The following PRKG2 variants were observed in gnomAD, a reference collection of about 807,000 sequenced individuals.
PRKG2 encodes the protein cGMP-dependent protein kinase 2.
In PRKG2, 33 loss-of-function variants were observed where a neutral mutation model predicts 97.2. That is an observed-to-expected ratio of 0.34 (90% CI 0.26 to 0.45). PRKG2 has a LOEUF of 0.45. PRKG2 is among the 20% of genes least tolerant of loss of function. The probability of loss-of-function intolerance (pLI) is 1.00; values close to 1 mark genes in which losing one functional copy is unlikely to be tolerated. For missense variants in PRKG2, 638 were observed against 900.0 expected, an observed-to-expected ratio of 0.71 and a Z score of 3.73; for synonymous variants, 330 against 321.8, an observed-to-expected ratio of 1.03 and a Z score of -0.27.
rs1278434031 is a variant in PRKG2 at position 81,088,233 on chromosome 4, T to C, written c.*1475A>G. On this transcript the variant is annotated 3_prime_UTR_variant, in exon 19 of 19. Coordinates refer to ENST00000264399, the MANE Select transcript of PRKG2 (RefSeq NM_006259.3). ...GCACCTTTCTGGATTGGGCTTCACT[T>C]ATCTAGCTTAACTCATTAAGGAAGC... 3 of 152,154 alleles carry C rather than the reference T, an allele frequency of 2.0e-5. No individual in the cohort carries two copies. Among genetic ancestry groups the C allele is most frequent in the East Asian group, 1.9e-4 (1 of 5,198 alleles). The allele number at this position is 152,154 out of a possible 1,614,324, so 9.4% of individuals were successfully genotyped here.
At chr4:81,203,862 C>T (rs1347019601) in intron 2 of PRKG2, among the ~76,000 whole-genome samples, 3 of 152,174 alleles carry the variant, frequency 2.0e-5, no homozygotes, top group African/African-American at 7.2e-5. Flanking sequence ...CTGGTTCATG[C>T]TCCTTGAAGT....
intron 2 of PRKG2, among the ~76,000 whole-genome samples, chr4:81,176,619 C>A (rs1454675686): frequency 1.3e-5 from 2 of 152,108 alleles, no homozygotes; most frequent in African/African-American, 2.4e-5. Context: ...TACTAATTTT[C>A]CAAAGTATGT....
At chr4:81,106,861 T>G (rs1002432253) in intron 15 of PRKG2, among the ~76,000 whole-genome samples, 1 of 152,142 alleles carries the variant, frequency 6.6e-6, no homozygotes. Flanking sequence ...CATGTGAGGA[T>G]ACAAGGAGAA....
chr4:81,142,652 A>G, intron 11 of PRKG2, 142 bp downstream of exon 11: 1 of 1,089,912 alleles, frequency 9.2e-7, no homozygotes, highest in South Asian at 2.2e-5. Flanking sequence ...ACAGAGTGAA[A>G]AGTTTACTTT....
intron 14 of PRKG2, among the ~76,000 whole-genome samples, chr4:81,127,353 C>G (rs1258014609): frequency 1.3e-5 from 2 of 152,118 alleles, no homozygotes; most frequent in East Asian, 3.9e-4. Context: ...TATACAGGCT[C>G]TTTTTTGGTT....
intron 17 of PRKG2, among the ~76,000 whole-genome samples, chr4:81,097,771 C>T (rs115319571): frequency 4.0e-4 from 61 of 152,230 alleles, no homozygotes; most frequent in African/African-American, 1.3e-3. Context: ...ACTTCATGAA[C>T]CAATTTCTGA....
At chr4:81,097,905 T>A (rs577548312) in intron 17 of PRKG2, among the ~76,000 whole-genome samples, 4 of 152,204 alleles carry the variant, frequency 2.6e-5, no homozygotes, top group Non-Finnish European at 5.9e-5. Context: ...GTTTGATCTC[T>A]GTAAAGACTA....
intron 2 of PRKG2, chr4:81,176,075 C>G (rs539010619): frequency 1.3e-5 from 2 of 152,092 alleles, no homozygotes; most frequent in Non-Finnish European, 2.9e-5. Flanking sequence ...TTTCATGACT[C>G]TATCCATCAT....
chr4:81,198,728 T>C (rs1193274108), intron 2 of PRKG2, among the ~76,000 whole-genome samples: 2 of 152,226 alleles, frequency 1.3e-5, no homozygotes, highest in African/African-American at 4.8e-5. Flanking sequence ...AAAAAACTGA[T>C]GCCTCATTAG....
At chr4:81,094,040 T>G (rs1293718110) in intron 17 of PRKG2, among the ~76,000 whole-genome samples, 4 of 152,300 alleles carry the variant, frequency 2.6e-5, no homozygotes, top group Non-Finnish European at 4.4e-5. Context: ...ACCTTCAATT[T>G]GTAAAAGATA....
In PRKG2 at chr4:81,088,330, C is replaced by T. The variant is rs1741266574; in HGVS notation, c.*1378G>A. ...GGTAGAGGTTCCTTTTGACATAGAACATTAACATATGAAAATATAACCAGA... is the reference window on the plus strand; with the variant it reads ...GGTAGAGGTTCCTTTTGACATAGAATATTAACATATGAAAATATAACCAGA... On this transcript the variant is annotated 3_prime_UTR_variant, in exon 19 of 19. Transcript: ENST00000264399. 1 of 152,064 alleles carries T rather than the reference C, an allele frequency of 6.6e-6. No homozygotes were observed. Among genetic ancestry groups the T allele is most frequent in the Admixed American group, 6.6e-5 (1 of 15,264 alleles). 9.4% of individuals were successfully genotyped at this position (152,064 alleles called of 1,614,324 possible).
At chr4:81,137,732 G>A (rs1241269638) in intron 12 of PRKG2, among the ~76,000 whole-genome samples, 11 of 152,142 alleles carry the variant, frequency 7.2e-5, no homozygotes, top group Middle Eastern at 3.4e-3. Flanking sequence ...CAGTTTTACC[G>A]TAAAAATGTT....
chr4:81,212,622 A>G (rs571128489), intron 1 of PRKG2, among the ~76,000 whole-genome samples: 1 of 152,316 alleles, frequency 6.6e-6, no homozygotes, highest in Admixed American at 6.5e-5. Context: ...CTTTAAGTAG[A>G]GAAGTTTAGT....
Position 81,205,006 on chromosome 4 carries a change from T to C in PRKG2, c.42A>G (p.Pro14=), listed in dbSNP as rs150760215. Residue 14 remains proline, a synonymous_variant, in exon 2 of 19, where the codon CCA becomes CCG. Transcript: ENST00000264399. ...TGGTGAGGTTCCCAGAGTGTCCATC[T>C]GGGTGCTTAGAATGTTTAGGTTTCA... ...GSVKPKHSKH[P]DGHSGNLTTD... The C allele has an allele frequency of 2.2e-5, 35 of 1,613,430 alleles. No individual in the cohort carries two copies. The African/African-American group carries it at 4.7e-4, about 22-fold the overall frequency.
intron 14 of PRKG2, among the ~76,000 whole-genome samples, chr4:81,113,800 C>G (rs1400912711): frequency 1.3e-5 from 2 of 152,148 alleles, no homozygotes; most frequent in African/African-American, 4.8e-5. Flanking sequence ...TTACCCAAGT[C>G]TAGACAAGGG....
At chr4:81,143,002 A>G (rs775014506) in intron 10 of PRKG2, 55 bp from the exon 11 acceptor site, 5 of 1,503,284 alleles carry the variant, frequency 3.3e-6, no homozygotes, top group Non-Finnish European at 4.5e-6. Context: ...AGAAGGTGTC[A>G]TGCCATACAT....
chr4:81,183,842 G>A (rs1304736257), intron 2 of PRKG2, among the ~76,000 whole-genome samples: 2 of 152,100 alleles, frequency 1.3e-5, no homozygotes, highest in South Asian at 2.1e-4. Context: ...GCTTCAGTAG[G>A]CGGTTTTCCC....
At chr4:81,169,789 C>A (rs1382042776) in intron 4 of PRKG2, 21 bp from the exon 5 acceptor site, 9 of 1,450,718 alleles carry the variant, frequency 6.2e-6, no homozygotes, top group Non-Finnish European at 8.6e-6. Context: ...TTCAAGAAAA[C>A]AATAAAACAC....
At chr4:81,108,771 C>T (rs1743620169) in intron 15 of PRKG2, among the ~76,000 whole-genome samples, 1 of 152,084 alleles carries the variant, frequency 6.6e-6, no homozygotes, top group African/African-American at 2.4e-5. Flanking sequence ...GTGGCATGTG[C>T]CTGTAGTCCC....
Sources: gnomAD v4.1 joint callset for allele counts (sites outside exome capture counted in the v4.1 genomes callset) on GRCh38, gnomAD v4.1.1 for gene constraint, MANE v1.5 for transcripts, NCBI Gene and HGNC (gene_info 2026-07-23, HGNC 2026-07-21) for gene names.